CADM2: variants seen among roughly 807,000 people sequenced by gnomAD.
The protein encoded by CADM2 is immunoglobulin superfamily member 4D.
CADM2 carries 12 observed loss-of-function variants against 49.8 expected under a neutral mutation model. The observed-to-expected ratio is 0.24, with a 90% CI of 0.15 to 0.39. The LOEUF (loss-of-function observed/expected upper bound fraction) is 0.39. Among genes scored for constraint, CADM2 ranks in the 10% least tolerant of loss-of-function variants. CADM2 has a pLI of 1.00. For missense variants in CADM2, 378 were observed against 492.3 expected (o/e 0.77, Z 2.20); for synonymous variants, 214 against 175.4 (o/e 1.22, Z -1.74).
chr3:85,085,693 A>C (rs530832121), intron 1 of CADM2, among the ~76,000 whole-genome samples: 2 of 152,296 alleles, frequency 1.3e-5, no homozygotes, highest in South Asian at 4.1e-4. Context: ...TTTACTTTCC[A>C]GAATTCTTCA....
intron 1 of CADM2, among the ~76,000 whole-genome samples, chr3:85,622,044 C>G (rs2063993834): frequency 6.6e-6 from 1 of 152,124 alleles, no homozygotes. Flanking sequence ...AAACTGTAAG[C>G]TTAGAATATT....
At chr3:85,344,506 G>A (rs1016460095) in intron 1 of CADM2, among the ~76,000 whole-genome samples, 3 of 151,984 alleles carry the variant, frequency 2.0e-5, no homozygotes, top group Middle Eastern at 3.5e-3. Context: ...GTTTGTAGTA[G>A]AGATGGGCTT....
intron 1 of CADM2, among the ~76,000 whole-genome samples, chr3:85,608,259 A>G (rs997237565): frequency 5.3e-5 from 8 of 152,144 alleles, no homozygotes; most frequent in Non-Finnish European, 1.2e-4. Flanking sequence ...AAAGTATTAT[A>G]TTTTCAACTA....
intron 8 of CADM2, among the ~76,000 whole-genome samples, chr3:86,054,248 G>T (rs780446269): frequency 1.3e-5 from 2 of 151,832 alleles, no homozygotes; most frequent in Non-Finnish European, 2.9e-5. Flanking sequence ...TGAGAAACTG[G>T]TTCAATTATC....
intron 1 of CADM2, among the ~76,000 whole-genome samples, chr3:85,299,583 T>A (rs2044045029): frequency 6.6e-6 from 1 of 152,070 alleles, no homozygotes; most frequent in Non-Finnish European, 1.5e-5. Context: ...TGTGCTAGTT[T>A]ATGTGAATCC....
At chr3:85,887,237 C>T (rs191450318) in intron 5 of CADM2, among the ~76,000 whole-genome samples, 92 of 152,156 alleles carry the variant, frequency 6.0e-4, no homozygotes, top group African/African-American at 1.9e-3. Context: ...CAGGCATGCA[C>T]GACCATGCTT....
intron 1 of CADM2, among the ~76,000 whole-genome samples, chr3:85,436,569 A>G (rs2036941556): frequency 6.6e-6 from 1 of 152,160 alleles, no homozygotes; most frequent in Non-Finnish European, 1.5e-5. Flanking sequence ...AGCTCTTATT[A>G]TTTTGATATA....
At chr3:84,988,625 CT>C (rs1479549342) in intron 1 of CADM2, among the ~76,000 whole-genome samples, 7 of 151,962 alleles carry the variant, frequency 4.6e-5, no homozygotes, top group African/African-American at 2.4e-5. Flanking sequence ...TGGCCACCTC[CT>C]TTTTTTTCTT....
chr3:85,498,782 C>T (rs890764235), intron 1 of CADM2, among the ~76,000 whole-genome samples: 1 of 152,104 alleles, frequency 6.6e-6, no homozygotes, highest in African/African-American at 2.4e-5. Context: ...CCTGCATTTT[C>T]CCAATGAGCA....
chr3:85,769,530 T>C (rs1275439530), intron 2 of CADM2, among the ~76,000 whole-genome samples: 6 of 115,168 alleles, frequency 5.2e-5, no homozygotes, highest in African/African-American at 2.4e-4. Flanking sequence ...TACATATATG[T>C]ATATATACAC....
At chr3:85,543,295 C>G (rs2326316) in intron 1 of CADM2, among the ~76,000 whole-genome samples, 76,007 of 148,872 alleles carry the variant, frequency 0.51, 22,539 homozygotes, top group East Asian at 0.85. Context: ...TGCCCCGTCG[C>G]CCAGGCTGGT....
intron 1 of CADM2, among the ~76,000 whole-genome samples, chr3:85,008,174 T>C (rs1346835573): frequency 6.6e-6 from 1 of 152,146 alleles, no homozygotes; most frequent in Non-Finnish European, 1.5e-5. Context: ...AGTTTTCAAA[T>C]GGTGGAGTGA....
At chr3:85,360,171 G>GT (rs1189155612) in intron 1 of CADM2, among the ~76,000 whole-genome samples, 4 of 152,032 alleles carry the variant, frequency 2.6e-5, no homozygotes, top group East Asian at 3.9e-4. Context: ...AAGTATTATG[G>GT]TTTTTTACTA....
At chr3:85,382,120 C>T (rs2033941843) in intron 1 of CADM2, among the ~76,000 whole-genome samples, 1 of 151,944 alleles carries the variant, frequency 6.6e-6, no homozygotes, top group African/African-American at 2.4e-5. Flanking sequence ...TGGAGACTTA[C>T]TGCAGTGGTA....
At chr3:85,961,699 A>G (rs778395548) in intron 8 of CADM2, 52 bp downstream of exon 8, 4 of 1,361,126 alleles carry the variant, frequency 2.9e-6, no homozygotes, top group South Asian at 1.8e-5. Flanking sequence ...AACTTGAAAA[A>G]CTATTTAAAT....
At chr3:85,559,080 T>A (rs2062027492) in intron 1 of CADM2, among the ~76,000 whole-genome samples, 1 of 152,108 alleles carries the variant, frequency 6.6e-6, no homozygotes, top group Admixed American at 6.5e-5. Flanking sequence ...TTTAAATACC[T>A]CTCAAGTGGC....
In CADM2 at chr3:85,125,167, T is replaced by C. The variant is rs543848457; in HGVS notation, c.61+165499T>C. On this transcript the variant is annotated intron_variant, in intron 1 of 9. Coordinates refer to ENST00000383699, the MANE Select transcript of CADM2 (RefSeq NM_001167675.2). The stretch of plus-strand genomic sequence containing the variant: ...AAGTAGAGGACTATGACTGTGGTTT[T>C]ATTTTGTTATCAAAGCTGCTCAAGT... Among the ~76,000 whole-genome samples, 86 of 152,322 alleles carry C rather than the reference T, an allele frequency of 5.6e-4. No individual in the cohort carries two copies. The Middle Eastern group carries it at 0.01, about 18-fold the overall frequency.
intron 1 of CADM2, among the ~76,000 whole-genome samples, chr3:85,395,119 T>TAA (rs147833190): frequency 6.8e-6 from 1 of 147,410 alleles, no homozygotes; most frequent in Non-Finnish European, 1.5e-5. Context: ...ACCCCATCTC[T>TAA]AAAAAAAAAA....
chr3:85,849,564 T>C (rs1337108683), intron 3 of CADM2, among the ~76,000 whole-genome samples: 1 of 152,230 alleles, frequency 6.6e-6, no homozygotes, highest in Non-Finnish European at 1.5e-5. Flanking sequence ...CAATTACATT[T>C]TTATTTTATT....
Sources: allele counts gnomAD v4.1 joint callset (sites outside exome capture counted in the v4.1 genomes callset), GRCh38; gene constraint gnomAD v4.1.1; transcripts MANE v1.5; gene names NCBI Gene and HGNC (gene_info 2026-07-23, HGNC 2026-07-21).